Variants in PDIA5 observed in about 807,000 individuals in gnomAD.
PDIA5 encodes the protein protein disulfide isomerase family A member 5.
Under a neutral mutation model 77.6 loss-of-function variants are expected in PDIA5, and 58 were observed. The observed-to-expected ratio is 0.75, with a 90% CI of 0.61 to 0.93. The LOEUF is 0.93. Among genes scored for constraint, PDIA5 ranks in the 40% least tolerant of loss-of-function variants. PDIA5 has a pLI of 0.00. For missense variants in PDIA5, 630 were observed against 647.7 expected (o/e 0.97, Z 0.30); for synonymous variants, 250 against 252.1 (o/e 0.99, Z 0.08).
chr3:123,079,489 G>A (rs977825765), intron 1 of PDIA5, among the ~76,000 whole-genome samples: 7 of 152,114 alleles, frequency 4.6e-5, no homozygotes, highest in African/African-American at 1.7e-4. Context: ...TTTGCATTGC[G>A]AAGTCTTTAA....
At chr3:123,161,572 C>A in intron 16 of PDIA5, 117 bp downstream of exon 16, 1 of 1,150,988 alleles carries the variant, frequency 8.7e-7, no homozygotes, top group Non-Finnish European at 1.2e-6. Flanking sequence ...TCAGCTGGAA[C>A]ACTGCACCGA....
chr3:123,158,967 C>T (rs185691865), intron 15 of PDIA5, among the ~76,000 whole-genome samples: 6 of 152,318 alleles, frequency 3.9e-5, no homozygotes, highest in East Asian at 3.9e-4. Flanking sequence ...GGAAAACGCG[C>T]GTGGATTCAC....
chr3:123,128,477 C>T (rs1278749937), intron 10 of PDIA5, among the ~76,000 whole-genome samples: 1 of 152,016 alleles, frequency 6.6e-6, no homozygotes, highest in East Asian at 1.9e-4. Flanking sequence ...GAGTCAATTA[C>T]ATTCACATAA....
chr3:123,075,783 GT>G (rs1933840720), intron 1 of PDIA5, among the ~76,000 whole-genome samples: 2 of 152,140 alleles, frequency 1.3e-5, no homozygotes, highest in Admixed American at 1.3e-4. Flanking sequence ...CCCTGGAGAT[GT>G]TTTTCTTCAA....
At chr3:123,086,555 C>T (rs1428712566) in intron 1 of PDIA5, among the ~76,000 whole-genome samples, 1 of 152,216 alleles carries the variant, frequency 6.6e-6, no homozygotes, top group African/African-American at 2.4e-5. Flanking sequence ...ACACTCCTCT[C>T]AGTATGACCA....
chr3:123,090,337 G>A (rs1934251802), intron 2 of PDIA5, among the ~76,000 whole-genome samples: 1 of 152,220 alleles, frequency 6.6e-6, no homozygotes, highest in African/African-American at 2.4e-5. Context: ...ATAGGGCCCT[G>A]AAAACGTGTG....
At chr3:123,091,826 C>T (rs1934292292) in intron 2 of PDIA5, among the ~76,000 whole-genome samples, 1 of 152,182 alleles carries the variant, frequency 6.6e-6, no homozygotes, top group Non-Finnish European at 1.5e-5. Context: ...CTCATTTTAT[C>T]ATCAGGTTGT....
rs570182963 is a variant in PDIA5, at chr3:123,145,943, AGTT to A, written c.982-152_982-150del. ...AGAAATGATGGCCGTGCCAATGTTCAGTTGTTCCCTGGGATATGGGAGCCCACT... is the reference window on the plus strand; with the variant it reads ...AGAAATGATGGCCGTGCCAATGTTCAGTTCCCTGGGATATGGGAGCCCACT... On this transcript the variant is annotated intron_variant, in intron 12 of 16. Coordinates refer to ENST00000316218, the MANE Select transcript of PDIA5 (RefSeq NM_006810.4). Among the ~76,000 whole-genome samples, 19 of 146,224 alleles carry A rather than the reference AGTT, an allele frequency of 1.3e-4. No homozygotes were observed. The East Asian group carries it at 3.9e-3, about 30-fold the overall frequency.
chr3:123,132,875 TC>T (rs1489801019), intron 11 of PDIA5, among the ~76,000 whole-genome samples: 1 of 152,064 alleles, frequency 6.6e-6, no homozygotes, highest in Non-Finnish European at 1.5e-5. Flanking sequence ...TTGGGAGAGG[TC>T]ACCAGTCCCC....
At chr3:123,095,429 T>C (rs146293092) in intron 3 of PDIA5, among the ~76,000 whole-genome samples, 3,391 of 152,170 alleles carry the variant, frequency 0.022, 135 homozygotes, top group African/African-American at 0.077. Flanking sequence ...CCCCAGGCCA[T>C]GGGTGTTTTG....
intron 14 of PDIA5, among the ~76,000 whole-genome samples, 198 bp downstream of exon 14, chr3:123,150,562 C>T (rs1245955765): frequency 6.6e-6 from 1 of 152,164 alleles, no homozygotes; most frequent in Non-Finnish European, 1.5e-5. Context: ...TTGTCAGACT[C>T]GTCGGGCTCT....
At chr3:123,073,496 C>A (rs1296926168) in intron 1 of PDIA5, among the ~76,000 whole-genome samples, 1 of 152,188 alleles carries the variant, frequency 6.6e-6, no homozygotes, top group Non-Finnish European at 1.5e-5. Flanking sequence ...CTGTATCCTT[C>A]CCCCAAGGAG....
At chr3:123,082,682 T>C (rs1934039796) in intron 1 of PDIA5, among the ~76,000 whole-genome samples, 1 of 152,030 alleles carries the variant, frequency 6.6e-6, no homozygotes, top group Non-Finnish European at 1.5e-5. Context: ...CCCTTATAAG[T>C]TGTCTCGCTA....
At chr3:123,132,764 C>G (rs2107968119) in intron 11 of PDIA5, among the ~76,000 whole-genome samples, 1 of 152,312 alleles carries the variant, frequency 6.6e-6, no homozygotes, top group East Asian at 1.9e-4. Context: ...TCCTTGCACC[C>G]CTGTCCCAGC....
intron 8 of PDIA5, among the ~76,000 whole-genome samples, chr3:123,116,806 G>T: frequency 6.6e-6 from 1 of 152,172 alleles, no homozygotes; most frequent in East Asian, 1.9e-4. Context: ...AGGAGGAGGA[G>T]GTGGGGCTGG....
Position 123,067,121 on chromosome 3 carries a change from C to A in PDIA5, c.-44C>A, listed in dbSNP as rs1933585373. The A allele has an allele frequency of 4.8e-6, 6 of 1,237,432 alleles. No homozygotes were observed. The highest frequency in any genetic ancestry group is 6.1e-6 in the Non-Finnish European group (6 of 987,688). 76.7% of individuals were successfully genotyped at this position (1,237,432 alleles called of 1,614,324 possible). A position where few individuals can be genotyped will look rare whatever the true frequency, so the allele number is the denominator to read the frequency against. ...TAGCAGGCGGGCGGGCGGGAGCGGG[C>A]GCCGGAGTGGAGAAAGGAGCCAGCG... On this transcript the variant is annotated 5_prime_UTR_variant, in exon 1 of 17. Coordinates refer to ENST00000316218, the MANE Select transcript of PDIA5 (RefSeq NM_006810.4).
intron 11 of PDIA5, among the ~76,000 whole-genome samples, chr3:123,142,674 G>A (rs1935669463): frequency 6.6e-6 from 1 of 152,226 alleles, no homozygotes; most frequent in African/African-American, 2.4e-5. Context: ...AACAAGGCCA[G>A]GAACAGCCAG....
At chr3:123,148,002 C>A (rs1159653434) in intron 13 of PDIA5, among the ~76,000 whole-genome samples, 2 of 152,174 alleles carry the variant, frequency 1.3e-5, no homozygotes, top group African/African-American at 4.8e-5. Flanking sequence ...TTCTGTGTGC[C>A]ACTGCTGCTA....
At chr3:123,142,724 G>A (rs571882775) in intron 11 of PDIA5, among the ~76,000 whole-genome samples, 13 of 152,320 alleles carry the variant, frequency 8.5e-5, no homozygotes, top group African/African-American at 2.4e-4. Flanking sequence ...TGGGGGGGCC[G>A]AGCTCAGCAG....
Sources: gnomAD v4.1 joint callset for allele counts (sites outside exome capture counted in the v4.1 genomes callset) on GRCh38, gnomAD v4.1.1 for gene constraint, MANE v1.5 for transcripts, NCBI Gene and HGNC (gene_info 2026-07-23, HGNC 2026-07-21) for gene names.